Variants in ASAP2 observed in about 807,000 individuals in gnomAD.
ASAP2 encodes the protein arf-GAP with SH3 domain, ANK repeat and PH domain-containing protein 2.
ASAP2 carries 45 observed loss-of-function variants against 131.4 expected under a neutral mutation model. That is an observed-to-expected ratio of 0.34 (90% CI 0.27 to 0.44). ASAP2 has a LOEUF of 0.44. ASAP2 is among the 20% of genes least tolerant of loss of function. The pLI is 1.00. For synonymous variants in ASAP2, 510 were observed against 503.0 expected (o/e 1.01, Z -0.19); for missense variants, 1,011 against 1,297.0 (o/e 0.78, Z 3.39).
At chr2:9,317,130 AAC>A (rs1491524324) in intron 3 of ASAP2, among the ~76,000 whole-genome samples, 1 of 4,942 alleles carries the variant, frequency 2.0e-4, no homozygotes, top group African/African-American at 3.3e-4. Flanking sequence ...ACAACCACAC[AAC>A]ACACATCCCA....
At chr2:9,250,725 C>T (rs768681146) in intron 1 of ASAP2, among the ~76,000 whole-genome samples, 2 of 152,176 alleles carry the variant, frequency 1.3e-5, no homozygotes, top group South Asian at 2.1e-4. Context: ...CAGGGTGGAG[C>T]GGAGGTGTCT....
At chr2:9,374,683 C>CT in intron 16 of ASAP2, 72 bp from the exon 17 acceptor site, 1 of 1,439,078 alleles carries the variant, frequency 6.9e-7, no homozygotes, top group Non-Finnish European at 9.4e-7. Flanking sequence ...TTAACATGGC[C>CT]TTAGACAAAG....
At chr2:9,341,964 C>G (rs1222320470) in intron 9 of ASAP2, among the ~76,000 whole-genome samples, 3 of 152,150 alleles carry the variant, frequency 2.0e-5, no homozygotes, top group African/African-American at 7.2e-5. Flanking sequence ...GAGAGTGCCT[C>G]CGCATGTTAC....
intron 2 of ASAP2, 97 bp from the exon 3 acceptor site, chr2:9,297,203 G>A: frequency 7.0e-7 from 1 of 1,428,076 alleles, no homozygotes; most frequent in Non-Finnish European, 9.5e-7. Flanking sequence ...TTTTTCTTCT[G>A]CTGATGTGTT....
chr2:9,214,665 A>C (rs922532968), intron 1 of ASAP2, among the ~76,000 whole-genome samples: 1 of 152,074 alleles, frequency 6.6e-6, no homozygotes, highest in Non-Finnish European at 1.5e-5. Flanking sequence ...ATTTCTATGA[A>C]GGGATTTGAC....
At chr2:9,243,977 T>C (rs1036428800) in intron 1 of ASAP2, among the ~76,000 whole-genome samples, 3 of 152,194 alleles carry the variant, frequency 2.0e-5, no homozygotes, top group Non-Finnish European at 2.9e-5. Context: ...AGTGGGAACA[T>C]GATATGTATA....
At chr2:9,254,980 GTTTAAC>G (rs1034632651) in intron 1 of ASAP2, among the ~76,000 whole-genome samples, 3 of 152,220 alleles carry the variant, frequency 2.0e-5, no homozygotes, top group African/African-American at 7.2e-5. Context: ...CTAAGTGTGT[GTTTAAC>G]TTTATCAAAT....
chr2:9,324,593 A>G (rs1670362888), intron 6 of ASAP2, among the ~76,000 whole-genome samples: 1 of 152,148 alleles, frequency 6.6e-6, no homozygotes, highest in Non-Finnish European at 1.5e-5. Flanking sequence ...GCTTTTTAAT[A>G]GCAGACACAC....
intron 27 of ASAP2, 78 bp downstream of exon 27, chr2:9,401,474 C>T (rs1398163276): frequency 6.5e-7 from 1 of 1,542,922 alleles, no homozygotes; most frequent in Non-Finnish European, 8.8e-7. Context: ...GACGGGCTTG[C>T]AGGTGAGGTT....
intron 22 of ASAP2, 134 bp downstream of exon 22, chr2:9,388,680 C>CATCATTCCA: frequency 1.5e-6 from 2 of 1,300,372 alleles, no homozygotes; most frequent in Non-Finnish European, 2.0e-6. Flanking sequence ...TGTTTGCTTC[C>CATCATTCCA]TAAAGGGATT....
At chr2:9,322,007 A>T (rs912094883) in intron 5 of ASAP2, among the ~76,000 whole-genome samples, 2 of 152,204 alleles carry the variant, frequency 1.3e-5, no homozygotes, top group African/African-American at 4.8e-5. Context: ...ATACCTGATT[A>T]TTAAGAGAAA....
intron 2 of ASAP2, among the ~76,000 whole-genome samples, chr2:9,293,156 A>C (rs1346825289): frequency 6.6e-6 from 1 of 152,202 alleles, no homozygotes; most frequent in African/African-American, 2.4e-5. Flanking sequence ...ATTGCCTCTA[A>C]ACTCTGTATG....
chr2:9,323,510 C>T (rs76064913), intron 6 of ASAP2, among the ~76,000 whole-genome samples: 4,576 of 152,294 alleles, frequency 0.03, 168 homozygotes, highest in East Asian at 0.083. Flanking sequence ...TCTGGCTTCA[C>T]GTACGTACTC....
chr2:9,275,628 A>G (rs1666713030), intron 1 of ASAP2, among the ~76,000 whole-genome samples: 1 of 151,872 alleles, frequency 6.6e-6, no homozygotes, highest in Non-Finnish European at 1.5e-5. Context: ...CTGATCCATT[A>G]CCCTCCCTGT....
At chr2:9,289,496 G>A (rs1338632151) in intron 2 of ASAP2, among the ~76,000 whole-genome samples, 1 of 152,068 alleles carries the variant, frequency 6.6e-6, no homozygotes, top group African/African-American at 2.4e-5. Flanking sequence ...AAAAGTAAAT[G>A]CGGATACATT....
At chr2:9,350,572 G>A (rs1480555926) in intron 11 of ASAP2, 1 of 413,800 alleles carries the variant, frequency 2.4e-6, no homozygotes, top group African/African-American at 2.0e-5. Flanking sequence ...GTCCAGGTGG[G>A]TTTGTGTAGA....
intron 3 of ASAP2, among the ~76,000 whole-genome samples, chr2:9,309,140 A>G (rs1430167913): frequency 6.6e-6 from 1 of 152,130 alleles, no homozygotes; most frequent in African/African-American, 2.4e-5. Flanking sequence ...TTCTGACACT[A>G]TTTGAAAGAG....
chr2:9,391,340 G>T (rs903744252), intron 23 of ASAP2, 144 bp downstream of exon 23: 94 of 1,209,022 alleles, frequency 7.8e-5, no homozygotes, highest in Non-Finnish European at 1.1e-4. Context: ...TCTTGTGCAG[G>T]GCTCTCAGCT....
intron 3 of ASAP2, among the ~76,000 whole-genome samples, chr2:9,301,697 G>A (rs1037084932): frequency 3.9e-5 from 6 of 152,210 alleles, no homozygotes; most frequent in Non-Finnish European, 8.8e-5. Flanking sequence ...GAGCCAATGG[G>A]TGCTGAGGAG....
Sources: allele counts gnomAD v4.1 joint callset (sites outside exome capture counted in the v4.1 genomes callset), GRCh38; gene constraint gnomAD v4.1.1; transcripts MANE v1.5; gene names NCBI Gene and HGNC (gene_info 2026-07-23, HGNC 2026-07-21).